The following AKAP19 variants were observed in gnomAD, a reference collection of about 807,000 sequenced individuals.
AKAP19 encodes A-kinase anchoring protein 19, also known as small A-kinase anchoring protein.
the AKAP19 span, among the ~76,000 whole-genome samples, chr2:189,967,513 T>C: frequency 2.8e-4 from 42 of 152,178 alleles, no homozygotes; most frequent in Non-Finnish European, 6.0e-4. Context: ...CTACACCTGA[T>C]GAAAAGATTC....
At chr2:189,951,911 G>A in the AKAP19 span, among the ~76,000 whole-genome samples, 2 of 152,198 alleles carry the variant, frequency 1.3e-5, no homozygotes, top group Non-Finnish European at 2.9e-5. Flanking sequence ...TGAGAAAAGT[G>A]TTCTTCCTGA....
At chr2:190,180,909 C>A in the AKAP19 span, 1 of 985,164 alleles carries the variant, frequency 1.0e-6, no homozygotes, top group Admixed American at 6.1e-5. This position sits in a 1 kb window ranked among gnomAD's most constrained non-coding sequence, Gnocchi z 6.8. Flanking sequence ...AAGGCGGCGC[C>A]GCTGCCCTGG....
chr2:190,129,924 G>A, the AKAP19 span, among the ~76,000 whole-genome samples: 1 of 151,986 alleles, frequency 6.6e-6, no homozygotes, highest in Non-Finnish European at 1.5e-5. Context: ...ATCCAGCCCA[G>A]GATATTTTTC....
chr2:189,931,766 G>A, the AKAP19 span, among the ~76,000 whole-genome samples: 4 of 151,838 alleles, frequency 2.6e-5, no homozygotes, highest in South Asian at 2.1e-4. Flanking sequence ...CTATAGGCAC[G>A]CACCACCATG....
At chr2:190,122,018 C>G in the AKAP19 span, among the ~76,000 whole-genome samples, 1 of 152,146 alleles carries the variant, frequency 6.6e-6, no homozygotes, top group Non-Finnish European at 1.5e-5. Flanking sequence ...GGAATCTAGG[C>G]AGGTTACTGA....
chr2:190,186,260 A>T, the AKAP19 span, among the ~76,000 whole-genome samples: 1 of 152,214 alleles, frequency 6.6e-6, no homozygotes, highest in African/African-American at 2.4e-5. This position sits in a 1 kb window ranked among gnomAD's most constrained non-coding sequence, Gnocchi z 5.5. Flanking sequence ...CCAAAATCAC[A>T]ATTTTTAGAT....
chr2:190,021,129 C>A, the AKAP19 span, among the ~76,000 whole-genome samples: 1 of 152,260 alleles, frequency 6.6e-6, no homozygotes, highest in East Asian at 1.9e-4. Flanking sequence ...GCTTTCAATT[C>A]TTTTGGATAT....
At chr2:189,977,095 G>A in the AKAP19 span, among the ~76,000 whole-genome samples, 1 of 152,284 alleles carries the variant, frequency 6.6e-6, no homozygotes, top group South Asian at 2.1e-4. Flanking sequence ...GACTGAAGCT[G>A]TTCCTATTTG....
chr2:189,905,203 A>G, the AKAP19 span, among the ~76,000 whole-genome samples: 1 of 151,934 alleles, frequency 6.6e-6, no homozygotes, highest in Non-Finnish European at 1.5e-5. Context: ...TAGTCTTTTG[A>G]ACATAGAGAC....
the AKAP19 span, among the ~76,000 whole-genome samples, chr2:190,185,192 A>G: frequency 2.0e-5 from 3 of 152,336 alleles, no homozygotes; most frequent in Middle Eastern, 3.4e-3. Flanking sequence ...TATGCCTCCT[A>G]CTTGTTCTAA....
At chr2:190,050,661 C>T in the AKAP19 span, among the ~76,000 whole-genome samples, 3 of 152,074 alleles carry the variant, frequency 2.0e-5, no homozygotes, top group Non-Finnish European at 4.4e-5. Context: ...AAAATGGTAG[C>T]AAGTGCAAGA....
At chr2:190,144,078 G>A in the AKAP19 span, among the ~76,000 whole-genome samples, 3 of 148,630 alleles carry the variant, frequency 2.0e-5, no homozygotes, top group African/African-American at 4.9e-5. Context: ...GGTGGATGAC[G>A]AGTTAGTGGG....
At chr2:190,167,477 TG>T in the AKAP19 span, among the ~76,000 whole-genome samples, 1 of 152,212 alleles carries the variant, frequency 6.6e-6, no homozygotes, top group Non-Finnish European at 1.5e-5. Flanking sequence ...AACAGTCCCC[TG>T]GAGTCTTAAC....
the AKAP19 span, among the ~76,000 whole-genome samples, chr2:190,112,678 C>T: frequency 6.6e-6 from 1 of 151,960 alleles, no homozygotes. Context: ...TTAGATCTGG[C>T]CTTTCTGATT....
At chr2:189,942,773 A>G in the AKAP19 span, among the ~76,000 whole-genome samples, 1 of 152,256 alleles carries the variant, frequency 6.6e-6, no homozygotes, top group African/African-American at 2.4e-5. Context: ...AAAGAGCTTG[A>G]CTGCATTCTG....
At chr2:190,127,712 A>G in the AKAP19 span, among the ~76,000 whole-genome samples, 45 of 152,258 alleles carry the variant, frequency 3.0e-4, 1 homozygote, top group South Asian at 6.6e-3. Flanking sequence ...ATTGAGTTAT[A>G]TTTTTATAAA....
the AKAP19 span, chr2:190,057,126 A>G: frequency 1.3e-5 from 12 of 891,342 alleles, no homozygotes; most frequent in African/African-American, 1.0e-4. Flanking sequence ...TAGTTTACAT[A>G]CTGTAGCTTA....
chr2:189,975,929 C>A, the AKAP19 span, among the ~76,000 whole-genome samples: 1 of 152,188 alleles, frequency 6.6e-6, no homozygotes, highest in Non-Finnish European at 1.5e-5. Context: ...TGGGTTCAGA[C>A]TTCCTCCTTT....
chr2:190,046,189 G>C, the AKAP19 span, among the ~76,000 whole-genome samples: 3 of 152,234 alleles, frequency 2.0e-5, no homozygotes, highest in South Asian at 2.1e-4. Context: ...TGCTCCTTCT[G>C]TTCCCCTCCA....
Sources: allele counts gnomAD v4.1 joint callset (sites outside exome capture counted in the v4.1 genomes callset), GRCh38; gene constraint gnomAD v4.1.1; non-coding constraint Gnocchi (gnomAD v3.1); transcripts MANE v1.5; gene names NCBI Gene and HGNC (gene_info 2026-07-23, HGNC 2026-07-21).